Variants in MLLT3 observed in about 807,000 individuals in gnomAD.
The protein encoded by MLLT3 is protein AF-9.
A neutral mutation model predicts 53.2 loss-of-function variants in MLLT3; 4 were observed. That is an observed-to-expected ratio of 0.08 (90% confidence interval 0.04 to 0.17). The LOEUF (loss-of-function observed/expected upper bound fraction) is 0.17, where lower values mean the gene tolerates loss of function less well. Among genes scored for constraint, MLLT3 ranks in the 10% least tolerant of loss-of-function variants. The pLI is 1.00. For missense variants in MLLT3, 569 were observed against 684.0 expected (o/e 0.83, Z 1.87); for synonymous variants, 283 against 230.6 (o/e 1.23, Z -2.06).
rs566131351 is a variant in MLLT3 at position 20,522,686 on chromosome 9, T to C, written c.194-65900A>G. Among the ~76,000 whole-genome samples, 89 of 149,564 alleles carry C rather than the reference T, an allele frequency of 6.0e-4. No individual in the cohort carries two copies. In the East Asian group the frequency reaches 0.012, roughly 21 times the overall value. On this transcript the variant is annotated intron_variant, in intron 2 of 10. Coordinates refer to ENST00000380338, the MANE Select transcript of MLLT3 (RefSeq NM_004529.4). ...ACAGAATAAAAACAGTTGTTTTTTT[T>C]CTAAATTGCAAGGGATGCTGTCAAG...
chr9:20,410,464 A>C (rs1290270676), intron 5 of MLLT3: 1 of 152,178 alleles, frequency 6.6e-6, no homozygotes, highest in Non-Finnish European at 1.5e-5. Context: ...AAACAGAGAA[A>C]GTTAAATTAT....
intron 4 of MLLT3, among the ~76,000 whole-genome samples, chr9:20,419,047 T>C (rs1348828137): frequency 6.6e-6 from 1 of 152,114 alleles, no homozygotes; most frequent in African/African-American, 2.4e-5. Context: ...AATGCACATA[T>C]AAGTGACATA....
At chr9:20,569,617 A>G (rs1186872516) in intron 2 of MLLT3, among the ~76,000 whole-genome samples, 2 of 152,158 alleles carry the variant, frequency 1.3e-5, no homozygotes, top group Admixed American at 6.5e-5. Flanking sequence ...ACGACAACCT[A>G]TAATAAAACT....
chr9:20,503,945 G>A (rs1825317292), intron 2 of MLLT3, among the ~76,000 whole-genome samples: 1 of 152,122 alleles, frequency 6.6e-6, no homozygotes, highest in Non-Finnish European at 1.5e-5. Flanking sequence ...ACAGGTGTAT[G>A]AAAAAATGCC....
intron 2 of MLLT3, among the ~76,000 whole-genome samples, chr9:20,605,454 C>T (rs1304658327): frequency 6.6e-6 from 1 of 151,778 alleles, no homozygotes; most frequent in Admixed American, 6.6e-5. Context: ...AATAAGTGAC[C>T]CAACAAAGTT....
chr9:20,515,053 T>C (rs1738263627), intron 2 of MLLT3, among the ~76,000 whole-genome samples: 1 of 151,322 alleles, frequency 6.6e-6, no homozygotes, highest in African/African-American at 2.4e-5. Context: ...TTCAGGCGAT[T>C]CTCCTGCCTC....
At chr9:20,465,625 C>A (rs1402461064) in intron 2 of MLLT3, among the ~76,000 whole-genome samples, 1 of 152,008 alleles carries the variant, frequency 6.6e-6, no homozygotes, top group East Asian at 1.9e-4. Flanking sequence ...ACAGAAACAC[C>A]AAAACGTGAT....
intron 5 of MLLT3, among the ~76,000 whole-genome samples, chr9:20,382,954 G>A (rs560370711): frequency 6.6e-6 from 1 of 151,952 alleles, no homozygotes; most frequent in South Asian, 2.1e-4. Context: ...CTCCTATTCT[G>A]TAAACAGGGT....
chr9:20,524,010 T>C (rs1818135756), intron 2 of MLLT3, among the ~76,000 whole-genome samples: 1 of 149,432 alleles, frequency 6.7e-6, no homozygotes. Context: ...GAGAGATCAA[T>C]GGTTGTCAGG....
At chr9:20,537,814 C>T (rs1818524956) in intron 2 of MLLT3, among the ~76,000 whole-genome samples, 1 of 152,176 alleles carries the variant, frequency 6.6e-6, no homozygotes, top group African/African-American at 2.4e-5. Context: ...ATTTGACAGA[C>T]ATGGCATATT....
rs1820770645 is a variant in MLLT3, at chr9:20,342,848, A to ATG, written c.*3594_*3595insCA. 3 of 172,764 alleles carry ATG rather than the reference A, an allele frequency of 1.7e-5. No homozygotes were observed. The East Asian group carries it at 3.1e-4, about 18-fold the overall frequency. 10.7% of individuals were successfully genotyped at this position (172,764 alleles called of 1,614,324 possible). ...AATATATATGTGTATATATATATAT[A>ATG]TATGTATATATAAATATAGGAGCAG... On this transcript the variant is annotated 3_prime_UTR_variant, in exon 11 of 11. Coordinates refer to ENST00000380338, the MANE Select transcript of MLLT3 (RefSeq NM_004529.4).
At chr9:20,443,333 A>G (rs1053448269) in intron 4 of MLLT3, among the ~76,000 whole-genome samples, 1 of 152,152 alleles carries the variant, frequency 6.6e-6, no homozygotes, top group Admixed American at 6.6e-5. Flanking sequence ...GGATCCAACT[A>G]CCTTGCTGGT....
intron 2 of MLLT3, among the ~76,000 whole-genome samples, chr9:20,510,330 C>A (rs1825501698): frequency 6.6e-6 from 1 of 152,098 alleles, no homozygotes; most frequent in Non-Finnish European, 1.5e-5. Context: ...ATCAATTTTG[C>A]CGCCAGGCGC....
At chr9:20,554,916 G>A (rs1819016028) in intron 2 of MLLT3, among the ~76,000 whole-genome samples, 1 of 152,214 alleles carries the variant, frequency 6.6e-6, no homozygotes, top group Non-Finnish European at 1.5e-5. Flanking sequence ...TCAAACGGAA[G>A]TGGCTAAATT....
intron 2 of MLLT3, among the ~76,000 whole-genome samples, chr9:20,595,483 G>A (rs145378109): frequency 0.012 from 1,752 of 151,898 alleles, 24 homozygotes; most frequent in South Asian, 0.038. Flanking sequence ...CATAAAATCA[G>A]ACACAGGAAA....
intron 4 of MLLT3, chr9:20,415,384 T>C: frequency 6.8e-6 from 5 of 731,754 alleles, no homozygotes; most frequent in Non-Finnish European, 8.4e-6. Context: ...TCAGAATATA[T>C]AACCTATATA....
At position 20,344,965 on chromosome 9, in the gene MLLT3, C is replaced by T. The variant is rs969138945; in HGVS notation, c.*1478G>A. Reference sequence around the variant, plus strand: ...AGTATTTCTTCATTTCTCTTCTTTTCGGCTGAATTTCTAGTAAAAACTTTG... The same window carrying T: ...AGTATTTCTTCATTTCTCTTCTTTTTGGCTGAATTTCTAGTAAAAACTTTG... On this transcript the variant is annotated 3_prime_UTR_variant, in exon 11 of 11. Transcript: ENST00000380338. 6 of 215,856 alleles carry T rather than the reference C, an allele frequency of 2.8e-5. No individual in the cohort carries two copies. The highest frequency in any genetic ancestry group is 9.0e-5 in the African/African-American group (4 of 44,432). 13.4% of individuals were successfully genotyped at this position (215,856 alleles called of 1,614,324 possible).
intron 5 of MLLT3, among the ~76,000 whole-genome samples, chr9:20,400,780 C>A (rs1486814770): frequency 6.6e-6 from 1 of 151,856 alleles, no homozygotes; most frequent in Non-Finnish European, 1.5e-5. Context: ...TTAGTCCATA[C>A]AAGTGCTGCA....
intron 2 of MLLT3, among the ~76,000 whole-genome samples, chr9:20,489,999 G>C (rs550251435): frequency 5.9e-4 from 90 of 152,228 alleles, no homozygotes; most frequent in Non-Finnish European, 1.3e-4. Flanking sequence ...CAAACTGTAA[G>C]GTGCTAAGGA....
Sources: allele counts gnomAD v4.1 joint callset (sites outside exome capture counted in the v4.1 genomes callset), GRCh38; gene constraint gnomAD v4.1.1; transcripts MANE v1.5; gene names NCBI Gene and HGNC (gene_info 2026-07-23, HGNC 2026-07-21).